PCDHGB5: variants seen among roughly 807,000 people sequenced by gnomAD.
PCDHGB5 encodes the protein protocadherin gamma-B5.
In PCDHGB5, 48 loss-of-function variants were observed where a neutral mutation model predicts 62.9. That is an observed-to-expected ratio of 0.76 (90% CI 0.61 to 0.97). The LOEUF (loss-of-function observed/expected upper bound fraction) is 0.97. PCDHGB5 is among the 50% of genes least tolerant of loss of function. The probability of loss-of-function intolerance (pLI) is 0.00; values close to 1 mark genes in which losing one functional copy is unlikely to be tolerated. For missense variants in PCDHGB5, 1,118 were observed against 1,198.6 expected (o/e 0.93, Z 0.99); for synonymous variants, 474 against 511.2 (o/e 0.93, Z 0.98).
At chr5:141,501,570 G>C (rs1251110101) in intron 2 of PCDHGB5, among the ~76,000 whole-genome samples, 1 of 151,996 alleles carries the variant, frequency 6.6e-6, no homozygotes, top group African/African-American at 2.4e-5. Flanking sequence ...ATCATATTAG[G>C]CTGGCTTTCA....
intron 1 of PCDHGB5, chr5:141,416,636 C>A (rs2096047139): frequency 6.6e-6 from 1 of 152,066 alleles, no homozygotes; most frequent in South Asian, 2.1e-4. Context: ...AATATAAACA[C>A]CAACCACAGC....
At chr5:141,414,288 C>T (rs368826232) in intron 1 of PCDHGB5, 40 of 1,613,502 alleles carry the variant, frequency 2.5e-5, no homozygotes, top group South Asian at 4.4e-5. Context: ...CAGTCGTAGC[C>T]CTTTTAAATG....
At chr5:141,469,415 A>C (rs2099200751) in intron 1 of PCDHGB5, among the ~76,000 whole-genome samples, 1 of 152,116 alleles carries the variant, frequency 6.6e-6, no homozygotes, top group Admixed American at 6.5e-5. Flanking sequence ...TTTCTACTAA[A>C]AATATAAAAC....
intron 1 of PCDHGB5, among the ~76,000 whole-genome samples, chr5:141,467,297 CT>C (rs1229166213): frequency 2.0e-5 from 3 of 152,182 alleles, no homozygotes; most frequent in African/African-American, 7.2e-5. Context: ...AAGTGATCCA[CT>C]CACCTCGGCC....
At position 141,399,956 on chromosome 5, in the gene PCDHGB5, C is replaced by T. The variant is rs760477759; in HGVS notation, c.1829C>T (p.Pro610Leu). Residue 610 changes from proline (P) to leucine (L), a missense_variant, in exon 1 of 4, where the codon CCC becomes CTC. Pro to Leu is a moderately conservative substitution (Grantham distance 98, BLOSUM62 -3). Coordinates refer to ENST00000617380, the MANE Select transcript of PCDHGB5 (RefSeq NM_018925.3). Reference protein sequence around the residue: ...LSYHVLQASEPGLFSLGLRTG... With the variant: ...LSYHVLQASELGLFSLGLRTG... ...TACCACGTGCTGCAGGCTAGCGAGC[C>T]CGGGCTCTTCAGCCTGGGGCTGCGC... is the stretch of plus-strand genomic sequence containing the variant. 106 of 1,612,048 alleles carry T rather than the reference C, an allele frequency of 6.6e-5. No homozygotes were observed. Among genetic ancestry groups the T allele is most frequent in the Middle Eastern group, 1.9e-4 (1 of 5,240 alleles).
intron 1 of PCDHGB5, chr5:141,478,866 C>G: frequency 7.7e-7 from 1 of 1,304,352 alleles, no homozygotes; most frequent in East Asian, 2.5e-5. Context: ...TCTCAGCGAT[C>G]AGAGTTTAGC....
intron 1 of PCDHGB5, among the ~76,000 whole-genome samples, chr5:141,450,777 G>A (rs907160074): frequency 1.3e-5 from 2 of 150,004 alleles, no homozygotes; most frequent in East Asian, 2.0e-4. Context: ...ATGAGCCACC[G>A]TGCCCGGACC....
chr5:141,418,348 T>G (rs2096249125), intron 1 of PCDHGB5: 1 of 1,613,982 alleles, frequency 6.2e-7, no homozygotes, highest in African/African-American at 1.3e-5. Flanking sequence ...CTGATATTAG[T>G]ATGAATTCGC....
In PCDHGB5 at chr5:141,400,165, C is replaced by T. The variant is rs749867110; in HGVS notation, c.2038C>T (p.Pro680Ser). 1.2e-6 allele frequency: 2 copies of T among 1,614,040 alleles called. No homozygotes were observed. The highest frequency in any genetic ancestry group is 2.2e-5 in the South Asian group (2 of 91,084). Residue 680 changes from proline (P) to serine (S), a missense_variant, in exon 1 of 4, where the codon CCC becomes TCC. Physicochemically the swap from Pro to Ser is moderately conservative, Grantham distance 74. Coordinates refer to ENST00000617380, the MANE Select transcript of PCDHGB5 (RefSeq NM_018925.3). ...CACTGACCGCCCTGTACCCTCTGAC[C>T]CCCAGGCTGAGCTGCAGTTTTACCT... ...DITDRPVPSD[P>S]QAELQFYLVV...
rs775284049 is a variant in PCDHGB5 at position 141,431,448 on chromosome 5, T to C, written c.2397+30924T>C. On this transcript the variant is annotated intron_variant, in intron 1 of 3. Coordinates refer to ENST00000617380, the MANE Select transcript of PCDHGB5 (RefSeq NM_018925.3). The surrounding 1 kb of genome is among the most constrained non-coding windows in gnomAD (Gnocchi z 4.8). ...CGCACAGGCACCGCGCGCATCCGCG[T>C]GATGGTTCTGGATGCGAACGACAAC... 2.5e-6 allele frequency: 4 copies of C among 1,613,706 alleles called. No individual in the cohort carries two copies. The South Asian group carries it at 4.4e-5, about 18-fold the overall frequency.
At chr5:141,419,504 C>A in intron 1 of PCDHGB5, 1 of 1,612,298 alleles carries the variant, frequency 6.2e-7, no homozygotes, top group Non-Finnish European at 8.5e-7. Flanking sequence ...TGTGAGCCTG[C>A]GCGTGTTGGT....
chr5:141,462,782 T>C (rs1397671639), intron 1 of PCDHGB5, among the ~76,000 whole-genome samples: 1 of 152,220 alleles, frequency 6.6e-6, no homozygotes, highest in Non-Finnish European at 1.5e-5. Flanking sequence ...TCATAATTTG[T>C]TGCTTATTTG....
chr5:141,474,557 G>A (rs1261720500), intron 1 of PCDHGB5, among the ~76,000 whole-genome samples: 1 of 152,184 alleles, frequency 6.6e-6, no homozygotes, highest in African/African-American at 2.4e-5. Context: ...AAAACTGGGG[G>A]TTTTCAGAGA....
chr5:141,444,152 ATTTTTTTTTTTTTT>A (rs747671382), intron 1 of PCDHGB5, among the ~76,000 whole-genome samples: 241 of 33,882 alleles, frequency 7.1e-3, no homozygotes, highest in African/African-American at 0.019. Flanking sequence ...TGTGTACTGG[ATTTTTTTTTTTTTT>A]TTTTTTTTTT....
chr5:141,429,583 T>A (rs2097226045), intron 1 of PCDHGB5, among the ~76,000 whole-genome samples: 2 of 152,218 alleles, frequency 1.3e-5, no homozygotes, highest in South Asian at 4.1e-4. Flanking sequence ...TTACTTTTGA[T>A]TCTTGTAATT....
intron 2 of PCDHGB5, 114 bp from the exon 3 acceptor site, chr5:141,505,279 C>A (rs780513022): frequency 1.3e-6 from 2 of 1,541,274 alleles, no homozygotes; most frequent in Non-Finnish European, 1.7e-6. Flanking sequence ...AGAAACAGGT[C>A]TTGGGCATGG....
In PCDHGB5 at chr5:141,486,143, G is replaced by T; in HGVS notation, c.2398-8664G>T. On this transcript the variant is annotated intron_variant, in intron 1 of 3. Coordinates refer to ENST00000617380, the MANE Select transcript of PCDHGB5 (RefSeq NM_018925.3). This position sits in a 1 kb window ranked among gnomAD's most constrained non-coding sequence, Gnocchi z 5.0. ...CTATGAATTTGATGTGCGGGCTCGC[G>T]ATGGGGGTTCTCCAGCCATGGAGCA... 6.2e-7 allele frequency: 1 copy of T among 1,614,198 alleles called. No homozygotes were observed. Among genetic ancestry groups the T allele is most frequent in the Non-Finnish European group, 8.5e-7 (1 of 1,180,030 alleles).
At chr5:141,421,930 G>A (rs780569992) in intron 1 of PCDHGB5, 1 of 1,613,480 alleles carries the variant, frequency 6.2e-7, no homozygotes, top group Non-Finnish European at 8.5e-7. Flanking sequence ...GGTGGTCCTC[G>A]ATGTAAATGA....
chr5:141,419,275 G>A, intron 1 of PCDHGB5: 26 of 1,613,974 alleles, frequency 1.6e-5, no homozygotes, highest in Non-Finnish European at 2.2e-5. Flanking sequence ...CCTCCATAGC[G>A]CAAGTCAGTG....
Sources: allele counts gnomAD v4.1 joint callset (sites outside exome capture counted in the v4.1 genomes callset), GRCh38; gene constraint gnomAD v4.1.1; non-coding constraint Gnocchi (gnomAD v3.1); transcripts MANE v1.5; gene names NCBI Gene and HGNC (gene_info 2026-07-23, HGNC 2026-07-21).